The following FKTN variants were observed in gnomAD, a reference collection of about 807,000 sequenced individuals.
FKTN encodes fukutin.
A neutral mutation model predicts 58.6 loss-of-function variants in FKTN; 47 were observed. The ratio of observed to expected loss-of-function variants is 0.80; its 90% confidence interval spans 0.63 to 1.02. FKTN has a LOEUF of 1.02. Among genes scored for constraint, FKTN ranks in the 50% least tolerant of loss-of-function variants. FKTN has a pLI of 0.00. For missense variants in FKTN, 516 were observed against 537.3 expected (o/e 0.96, Z 0.39); for synonymous variants, 178 against 191.9 (o/e 0.93, Z 0.60).
chr9:105,590,771 G>C (rs1192715673), intron 3 of FKTN, among the ~76,000 whole-genome samples: 1 of 152,144 alleles, frequency 6.6e-6, no homozygotes, highest in Non-Finnish European at 1.5e-5. Context: ...TTTCATTGCT[G>C]TAAAGAAATA....
chr9:105,639,368 T>C lies in FKTN; in HGVS notation c.*4104T>C. 1 of 822,428 alleles carries C rather than the reference T, an allele frequency of 1.2e-6. No homozygotes were observed. The highest frequency in any genetic ancestry group is 1.5e-6 in the Non-Finnish European group (1 of 681,394). 50.9% of individuals were successfully genotyped at this position (822,428 alleles called of 1,614,324 possible). A position where few individuals can be genotyped will look rare whatever the true frequency, so the allele number is the denominator to read the frequency against. ...TTTTGAGTTAGGCCTGAATTTGAAT[T>C]TCAGCTTAATCATGTGGGATTTATG... On this transcript the variant is annotated 3_prime_UTR_variant, in exon 11 of 11. Transcript: ENST00000357998.
At chr9:105,595,580 A>G (rs1039086659) in intron 3 of FKTN, among the ~76,000 whole-genome samples, 7 of 152,166 alleles carry the variant, frequency 4.6e-5, no homozygotes, top group African/African-American at 1.7e-4. Flanking sequence ...GGAGAGACCA[A>G]TTCTGGCTCA....
intron 1 of FKTN, among the ~76,000 whole-genome samples, chr9:105,562,430 C>T (rs561353009): frequency 6.6e-6 from 1 of 152,276 alleles, no homozygotes; most frequent in East Asian, 1.9e-4. Context: ...CACTAGTTCA[C>T]CTCTAGGTAG....
chr9:105,596,634 A>G lies in FKTN; in HGVS notation c.142A>G (p.Ile48Val), dbSNP rs1826854625. The G allele has an allele frequency of 3.1e-6, 5 of 1,611,840 alleles. No individual in the cohort carries two copies. In the African/African-American group the frequency reaches 6.7e-5, roughly 22 times the overall value. The part of the protein sequence containing the change: ...AGLSKSKGSR[I>V]GFDSTQWRAV... ...TTTGTCAAAATCCAAAGGAAGCCGA[A>G]TTGGATTTGATAGCACACAGTGGGT... is the stretch of plus-strand genomic sequence containing the variant. The change falls in exon 4 of 11, where the codon ATT becomes GTT. Residue 48 changes from isoleucine to valine, a missense_variant. Coordinates refer to ENST00000357998, the MANE Select transcript of FKTN (RefSeq NM_001079802.2).
chr9:105,596,581 T>C lies in FKTN; in HGVS notation c.106-17T>C. 1 of 1,603,100 alleles carries C rather than the reference T, an allele frequency of 6.2e-7. No homozygotes were observed. Among genetic ancestry groups the C allele is most frequent in the Non-Finnish European group, 8.5e-7 (1 of 1,170,458 alleles). Reference sequence around the variant, plus strand: ...GGACTTTGAATTTACTAAAAAGTTCTTTTGTTGTCTTCCTAGAATGGAGCT... The same window carrying C: ...GGACTTTGAATTTACTAAAAAGTTCCTTTGTTGTCTTCCTAGAATGGAGCT... On this transcript the variant is annotated splice_polypyrimidine_tract_variant and intron_variant, in intron 3 of 10. Transcript: ENST00000357998.
intron 6 of FKTN, among the ~76,000 whole-genome samples, chr9:105,605,055 G>C (rs1828638375): frequency 6.6e-6 from 1 of 151,876 alleles, no homozygotes; most frequent in Non-Finnish European, 1.5e-5. Context: ...AGGGGTCTGT[G>C]CACATTGTGG....
chr9:105,614,319 T>C (rs1444066635), intron 7 of FKTN, among the ~76,000 whole-genome samples: 2 of 152,206 alleles, frequency 1.3e-5, no homozygotes, highest in Non-Finnish European at 1.5e-5. Flanking sequence ...CTGTGAAGTA[T>C]AATAATTATC....
intron 7 of FKTN, among the ~76,000 whole-genome samples, chr9:105,613,174 T>C (rs1044684749): frequency 1.3e-5 from 2 of 152,154 alleles, no homozygotes; most frequent in Admixed American, 1.3e-4. Flanking sequence ...GGTAAGAAAA[T>C]TGATGTTTCA....
At chr9:105,610,717 C>G (rs942380416) in intron 7 of FKTN, among the ~76,000 whole-genome samples, 3 of 152,006 alleles carry the variant, frequency 2.0e-5, no homozygotes, top group African/African-American at 7.3e-5. Context: ...ACACTGGACA[C>G]TCTCCTACTC....
intron 1 of FKTN, among the ~76,000 whole-genome samples, chr9:105,560,955 C>G (rs1838183024): frequency 6.6e-6 from 1 of 152,076 alleles, no homozygotes; most frequent in African/African-American, 2.4e-5. Context: ...GGCTTGGTGG[C>G]ACATGCCTGT....
intron 3 of FKTN, among the ~76,000 whole-genome samples, chr9:105,578,720 G>A (rs975614042): frequency 6.6e-6 from 1 of 151,586 alleles, no homozygotes; most frequent in Non-Finnish European, 1.5e-5. Flanking sequence ...TTTTTCTATT[G>A]ATTGGAATAG....
At chr9:105,629,587 G>A (rs1833147071) in intron 10 of FKTN, among the ~76,000 whole-genome samples, 1 of 152,198 alleles carries the variant, frequency 6.6e-6, no homozygotes, top group Admixed American at 6.5e-5. Context: ...ATGTGGTTAT[G>A]TAGAGCTATA....
chr9:105,572,955 C>T (rs550774224), intron 1 of FKTN, among the ~76,000 whole-genome samples: 1 of 152,140 alleles, frequency 6.6e-6, no homozygotes, highest in Non-Finnish European at 1.5e-5. Flanking sequence ...TAGATGAGGA[C>T]TGGGTGCCGT....
At chr9:105,585,160 C>T (rs999417328) in intron 3 of FKTN, among the ~76,000 whole-genome samples, 1 of 152,124 alleles carries the variant, frequency 6.6e-6, no homozygotes, top group Admixed American at 6.5e-5. Context: ...AGACCAGGTG[C>T]CTGCCTGTAA....
intron 1 of FKTN, among the ~76,000 whole-genome samples, chr9:105,566,816 A>G (rs1219758118): frequency 6.6e-6 from 1 of 152,206 alleles, no homozygotes; most frequent in East Asian, 1.9e-4. Flanking sequence ...TCATCCTGAT[A>G]CCAAAGCCTG....
chr9:105,570,436 T>C (rs1401903475), intron 1 of FKTN, among the ~76,000 whole-genome samples: 1 of 152,162 alleles, frequency 6.6e-6, no homozygotes, highest in Non-Finnish European at 1.5e-5. Flanking sequence ...AACTATACTG[T>C]ATTGTTATTG....
intron 10 of FKTN, among the ~76,000 whole-genome samples, chr9:105,626,644 C>A (rs1832777221): frequency 3.3e-5 from 5 of 152,156 alleles, no homozygotes; most frequent in Admixed American, 3.3e-4. Context: ...TTCTTGTGTT[C>A]AATTTCAGCA....
rs140162202 is a variant in FKTN, at chr9:105,582,737, A to G, written c.105+7600A>G. On this transcript the variant is annotated intron_variant, in intron 3 of 10. Coordinates refer to ENST00000357998, the MANE Select transcript of FKTN (RefSeq NM_001079802.2). ...TCTTAGGATAAAGTCCTAGAGTAGA[A>G]ATTCTAGATCTAATATGCACATTTT... Among the ~76,000 whole-genome samples the G allele has an allele frequency of 4.1e-4, 63 of 152,296 alleles. 1 individual carries two copies. In the East Asian group the frequency reaches 0.01, roughly 24 times the overall value.
chr9:105,626,974 CTTT>C (rs1276230262), intron 10 of FKTN, among the ~76,000 whole-genome samples: 2 of 127,858 alleles, frequency 1.6e-5, no homozygotes, highest in Non-Finnish European at 3.1e-5. Flanking sequence ...TGCCTTTCTT[CTTT>C]ATTCTTTTTT....
Sources: gnomAD v4.1 joint callset for allele counts (sites outside exome capture counted in the v4.1 genomes callset) on GRCh38, gnomAD v4.1.1 for gene constraint, MANE v1.5 for transcripts, NCBI Gene and HGNC (gene_info 2026-07-23, HGNC 2026-07-21) for gene names.